The following ITIH2 variants were observed in gnomAD, a reference collection of about 807,000 sequenced individuals.
The protein encoded by ITIH2 is inter-alpha-trypsin inhibitor heavy chain H2.
ITIH2 carries 103 observed loss-of-function variants against 104.4 expected under a neutral mutation model. The observed-to-expected ratio is 0.99, with a 90% CI of 0.84 to 1.16. The LOEUF (loss-of-function observed/expected upper bound fraction) is 1.16. ITIH2 is among the 50% of genes most tolerant of loss of function. The probability of loss-of-function intolerance (pLI) is 0.00; values close to 1 mark genes in which losing one functional copy is unlikely to be tolerated. For missense variants in ITIH2, 1,108 were observed against 1,162.4 expected, an observed-to-expected ratio of 0.95 and a Z score of 0.68; for synonymous variants, 436 against 435.4, an observed-to-expected ratio of 1.00 and a Z score of -0.02.
intron 11 of ITIH2, 29 bp from the exon 12 acceptor site, chr10:7,729,923 C>T: frequency 6.5e-7 from 1 of 1,532,660 alleles, no homozygotes; most frequent in Non-Finnish European, 8.9e-7. Context: ...CTTCTTCATT[C>T]CTTTCCTTTC....
rs377394336 is a variant in ITIH2, at chr10:7,744,095, C to T, written c.2223C>T (p.Asn741=). Residue 741 remains asparagine (N), a synonymous_variant, in exon 18 of 21, where the codon AAC becomes AAT. Transcript: ENST00000358415. ...VSDPESGIVV[N]GQLVGAKKPN... is the part of the protein sequence containing the mutation. The stretch of plus-strand genomic sequence containing the variant: ...TCTTTCCTGTAGGAATTGTAGTCAA[C>T]GGTCAGCTTGTTGGTGCCAAGAAGC... 46 of 1,613,534 alleles carry T rather than the reference C, an allele frequency of 2.9e-5. No individual in the cohort carries two copies. Among genetic ancestry groups the T allele is most frequent in the South Asian group, 2.6e-4 (24 of 91,040 alleles).
intron 4 of ITIH2, among the ~76,000 whole-genome samples, chr10:7,710,838 T>C (rs931531901): frequency 3.3e-5 from 5 of 152,196 alleles, no homozygotes; most frequent in African/African-American, 9.6e-5. Context: ...AGAAATGACA[T>C]TGAAAACTAT....
At chr10:7,703,557 C>G (rs761937267) in intron 1 of ITIH2, 39 bp downstream of exon 1, 6 of 1,257,340 alleles carry the variant, frequency 4.8e-6, no homozygotes, top group Admixed American at 3.4e-5. Flanking sequence ...TTGGCTTGTT[C>G]ATGAGCTCAG....
intron 9 of ITIH2, among the ~76,000 whole-genome samples, chr10:7,723,980 T>C (rs1834929870): frequency 6.6e-6 from 1 of 152,246 alleles, no homozygotes; most frequent in Non-Finnish European, 1.5e-5. Context: ...TATCTTGTCA[T>C]TGTCCACATA....
chr10:7,709,126 G>T lies in ITIH2; in HGVS notation c.297G>T (p.Pro99=), dbSNP rs201804703. Reference sequence around the variant, plus strand: ...AGAGCAAAGTGGTGAACAATTCCCCGCAGCCTCAGAATGTCGTGTTTGATG... The same window carrying T: ...AGAGCAAAGTGGTGAACAATTCCCCTCAGCCTCAGAATGTCGTGTTTGATG... ...MIQSKVVNNS[P]QPQNVVFDVQ... is the part of the protein sequence containing the mutation. The change falls in exon 4 of 21, where the codon CCG becomes CCT. Residue 99 remains proline, a synonymous_variant. Transcript: ENST00000358415. 6.2e-7 allele frequency: 1 copy of T among 1,613,954 alleles called. No homozygotes were observed. The highest frequency in any genetic ancestry group is 1.7e-5 in the Admixed American group (1 of 60,006).
chr10:7,735,861 CG>C (rs1395803869), intron 15 of ITIH2, among the ~76,000 whole-genome samples: 7 of 151,760 alleles, frequency 4.6e-5, no homozygotes, highest in Admixed American at 4.6e-4. Context: ...TTAGTAGAGA[CG>C]GGGTTTTACC....
At chr10:7,738,402 A>G (rs1835091708) in intron 15 of ITIH2, among the ~76,000 whole-genome samples, 1 of 148,866 alleles carries the variant, frequency 6.7e-6, no homozygotes, top group African/African-American at 2.5e-5. Flanking sequence ...TCCCACTGCC[A>G]CCCTTGCTCA....
rs1160580269 is a variant in ITIH2 at position 7,703,334 on chromosome 10, C to G, written c.-101C>G. On this transcript the variant is annotated 5_prime_UTR_variant, in exon 1 of 21. Coordinates refer to ENST00000358415, the MANE Select transcript of ITIH2 (RefSeq NM_002216.3). ...CTTTTTTCTTCTTTCTTAAAGCGAA[C>G]TGTACTCCTCTGCTGTTCCTTTGAA... is the stretch of plus-strand genomic sequence containing the variant. 9 of 744,698 alleles carry G rather than the reference C, an allele frequency of 1.2e-5. No homozygotes were observed. Among genetic ancestry groups the G allele is most frequent in the Non-Finnish European group, 2.1e-5 (9 of 419,030 alleles). 46.1% of individuals were successfully genotyped at this position (744,698 alleles called of 1,614,324 possible).
At chr10:7,725,232 G>T (rs1834941375) in intron 9 of ITIH2, among the ~76,000 whole-genome samples, 1 of 152,152 alleles carries the variant, frequency 6.6e-6, no homozygotes, top group Non-Finnish European at 1.5e-5. Flanking sequence ...AATTGCAGGG[G>T]TATGCAATTT....
intron 8 of ITIH2, among the ~76,000 whole-genome samples, 165 bp from the exon 9 acceptor site, chr10:7,723,286 G>A (rs1249198534): frequency 6.6e-6 from 1 of 152,106 alleles, no homozygotes; most frequent in Non-Finnish European, 1.5e-5. Context: ...ACCCTCAGAG[G>A]AGAGGAGGTG....
At chr10:7,723,655 C>T (rs1834927717) in intron 9 of ITIH2, 88 bp downstream of exon 9, 7 of 859,810 alleles carry the variant, frequency 8.1e-6, no homozygotes, top group South Asian at 7.0e-5. Context: ...ATCCCTCCTC[C>T]CTGCTTAGGG....
At chr10:7,722,786 G>A (rs1481062530) in intron 8 of ITIH2, among the ~76,000 whole-genome samples, 5 of 152,140 alleles carry the variant, frequency 3.3e-5, no homozygotes, top group African/African-American at 4.8e-5. Context: ...GGCTCTTGCC[G>A]AGCCCTTTAC....
chr10:7,735,671 TTTC>T lies in ITIH2; in HGVS notation c.1957+583_1957+585del, dbSNP rs1461181522. Among the ~76,000 whole-genome samples, 156 of 144,010 alleles carry T rather than the reference TTTC, an allele frequency of 1.1e-3. 1 individual carries two copies. Among genetic ancestry groups the T allele is most frequent in the African/African-American group, 4.0e-3 (151 of 37,660 alleles). The allele number at this position is 144,010 out of a possible 152,430, so 94.5% of individuals were successfully genotyped here. A position where few individuals can be genotyped will look rare whatever the true frequency, so the allele number is the denominator to read the frequency against. On this transcript the variant is annotated intron_variant, in intron 15 of 20. Transcript: ENST00000358415. ...TTCTTTTTCTTTTCTTTTCTTTTCTTTTCTTTTTTTTTTTTTTTTGAGACAGAG... is the reference window on the plus strand; with the variant it reads ...TTCTTTTTCTTTTCTTTTCTTTTCTTTTTTTTTTTTTTTTTTGAGACAGAG...
chr10:7,706,991 C>G (rs976034002), intron 2 of ITIH2, among the ~76,000 whole-genome samples: 2 of 152,142 alleles, frequency 1.3e-5, no homozygotes, highest in Non-Finnish European at 2.9e-5. Context: ...CACACGCCAC[C>G]AGAACTGGTT....
At chr10:7,729,116 C>A (rs1034679290) in intron 11 of ITIH2, among the ~76,000 whole-genome samples, 2 of 152,096 alleles carry the variant, frequency 1.3e-5, no homozygotes, top group African/African-American at 4.8e-5. Flanking sequence ...GAATTCAAGA[C>A]CAGCCTGGCC....
At chr10:7,745,338 T>G (rs1048999817) in intron 19 of ITIH2, among the ~76,000 whole-genome samples, 4 of 152,196 alleles carry the variant, frequency 2.6e-5, no homozygotes, top group Non-Finnish European at 4.4e-5. Context: ...ATATAAAGCC[T>G]GTGACATCAC....
chr10:7,724,493 C>T (rs1588455376), intron 9 of ITIH2, among the ~76,000 whole-genome samples: 2 of 138,376 alleles, frequency 1.4e-5, no homozygotes, highest in Middle Eastern at 7.8e-3. Flanking sequence ...TTGCTTGAAC[C>T]CAGGAAGCGG....
Position 7,743,237 on chromosome 10 carries a change from C to G in ITIH2, c.2187C>G (p.Asn729Lys). 6.3e-7 allele frequency: 1 copy of G among 1,581,362 alleles called. No individual in the cohort carries two copies. The highest frequency in any genetic ancestry group is 1.2e-5 in the South Asian group (1 of 85,316). The change falls in exon 17 of 21, where the codon AAC becomes AAG. Residue 729 changes from asparagine (N) to lysine (K), a missense_variant. By Grantham distance (94) the Asn-to-Lys change is moderately conservative. Coordinates refer to ENST00000358415, the MANE Select transcript of ITIH2 (RefSeq NM_002216.3). ...NIDSEPGKIL[N>K]LVSDPESGIV... ...ACTCAGAACCTGGAAAAATCCTCAACCTGGTTTCTGACCCAGAATCAGGTA... is the reference window on the plus strand; with the variant it reads ...ACTCAGAACCTGGAAAAATCCTCAAGCTGGTTTCTGACCCAGAATCAGGTA...
At chr10:7,737,405 TCATA>T (rs1835065499) in intron 15 of ITIH2, among the ~76,000 whole-genome samples, 1 of 112,498 alleles carries the variant, frequency 8.9e-6, no homozygotes, top group Admixed American at 9.7e-5. Flanking sequence ...TGTATATATC[TCATA>T]TATATATATA....
Sources: allele counts gnomAD v4.1 joint callset (sites outside exome capture counted in the v4.1 genomes callset), GRCh38; gene constraint gnomAD v4.1.1; transcripts MANE v1.5; gene names NCBI Gene and HGNC (gene_info 2026-07-23, HGNC 2026-07-21).